NEDD1: variants seen among roughly 807,000 people sequenced by gnomAD.
NEDD1 encodes protein NEDD1.
A neutral mutation model predicts 74.0 loss-of-function variants in NEDD1; 33 were observed. The observed-to-expected ratio is 0.45, with a 90% CI of 0.34 to 0.60. The LOEUF is 0.60. Among genes scored for constraint, NEDD1 ranks in the 20% least tolerant of loss-of-function variants. The pLI is 0.01. For missense variants in NEDD1, 746 were observed against 776.5 expected, an observed-to-expected ratio of 0.96 and a Z score of 0.47; for synonymous variants, 250 against 264.4, an observed-to-expected ratio of 0.95 and a Z score of 0.53.
intron 3 of NEDD1, among the ~76,000 whole-genome samples, chr12:96,911,079 A>G (rs1355710063): frequency 2.0e-5 from 3 of 152,212 alleles, no homozygotes; most frequent in African/African-American, 7.2e-5. Flanking sequence ...TCTGTTAATC[A>G]AACTCATGGT....
chr12:96,935,400 C>T (rs1422585775), intron 7 of NEDD1, among the ~76,000 whole-genome samples, 195 bp downstream of exon 7: 2 of 152,086 alleles, frequency 1.3e-5, no homozygotes, highest in Non-Finnish European at 2.9e-5. Flanking sequence ...ATTTAGGGTA[C>T]TTCTGAAACA....
rs1249537071 is a variant in NEDD1, at chr12:96,942,597, A to G, written c.1267A>G (p.Ser423Gly). The G allele has an allele frequency of 2.6e-6, 4 of 1,521,898 alleles. No individual in the cohort carries two copies. Among genetic ancestry groups the G allele is most frequent in the African/African-American group, 1.4e-5 (1 of 72,866 alleles). The allele number at this position is 1,521,898 out of a possible 1,614,324, so 94.3% of individuals were successfully genotyped here. A position where few individuals can be genotyped will look rare whatever the true frequency, so the allele number is the denominator to read the frequency against. ...TATAGATGCTGTAGTTAACAAGGGA[A>G]GTGATGAGTCCATAGGCAAAGGAGA... ...IRDDAVVNKG[S>G]DESIGKGDGF... Residue 423 changes from serine (S) to glycine (G), a missense_variant, in exon 11 of 16, where the codon AGT becomes GGT. Transcript: ENST00000266742.
rs749524308 is a variant in NEDD1, at chr12:96,936,799, C to T, written c.908C>T (p.Thr303Ile). The change falls in exon 8 of 16, where the codon ACT becomes ATT. Residue 303 changes from threonine to isoleucine, a missense_variant. Coordinates refer to ENST00000266742, the MANE Select transcript of NEDD1 (RefSeq NM_152905.4). ...CAGTGTATAGCATTTCAGTACTCCA[C>T]TGTTCTTACTAAGGTGAGACATTTT... ...SVQCIAFQYS[T>I]VLTKSSLNKG... 1.3e-6 allele frequency: 2 copies of T among 1,598,190 alleles called. No individual in the cohort carries two copies. Among genetic ancestry groups the T allele is most frequent in the Non-Finnish European group, 8.6e-7 (1 of 1,166,106 alleles).
intron 9 of NEDD1, among the ~76,000 whole-genome samples, chr12:96,938,236 T>A (rs1382558368): frequency 6.6e-6 from 1 of 151,988 alleles, no homozygotes; most frequent in Non-Finnish European, 1.5e-5. Context: ...CACTATAAAT[T>A]TCCTGTGAAT....
intron 5 of NEDD1, 129 bp downstream of exon 5, chr12:96,917,866 A>C (rs1237347846): frequency 6.0e-6 from 7 of 1,158,374 alleles, no homozygotes; most frequent in Non-Finnish European, 8.1e-6. Flanking sequence ...AAGATTTGTT[A>C]GGGAAAATAA....
intron 6 of NEDD1, among the ~76,000 whole-genome samples, chr12:96,928,821 C>T (rs1247616078): frequency 6.6e-6 from 1 of 150,892 alleles, no homozygotes; most frequent in East Asian, 1.9e-4. Flanking sequence ...CGAGTAGCTG[C>T]GACTACAGGC....
intron 15 of NEDD1, 141 bp from the exon 16 acceptor site, chr12:96,951,808 A>C: frequency 1.7e-6 from 1 of 576,456 alleles, no homozygotes; most frequent in Non-Finnish European, 3.0e-6. Context: ...TTAACAAACT[A>C]GTAAGTTGTT....
rs1339264907 is a variant in NEDD1, at chr12:96,935,025, G to A, written c.539G>A (p.Ser180Asn). 2 of 1,612,412 alleles carry A rather than the reference G, an allele frequency of 1.2e-6. No individual in the cohort carries two copies. Among genetic ancestry groups the A allele is most frequent in the South Asian group, 2.2e-5 (2 of 91,048 alleles). Reference protein sequence around the residue: ...YSLFKKSLLGSVSDNGIVTLW... With the variant: ...YSLFKKSLLGNVSDNGIVTLW... ...TTGTTTAAGAAATCACTACTGGGCA[G>A]TGTTTCGGATAATGGAATAGTAACT... Residue 180 changes from serine (S) to asparagine (N), a missense_variant, in exon 7 of 16, where the codon AGT becomes AAT. This residue lies in a region of NEDD1 where 706 missense variants were observed against 706.7 expected (regional missense o/e 1.00). Transcript: ENST00000266742.
At position 96,934,860 on chromosome 12, in the gene NEDD1, C is replaced by G. The variant is rs1592909373; in HGVS notation, c.490-116C>G. On this transcript the variant is annotated intron_variant, in intron 6 of 15. Coordinates refer to ENST00000266742, the MANE Select transcript of NEDD1 (RefSeq NM_152905.4). ...GCTGAAACCTGTCACTCTTACACAT[C>G]AGAGAAATCCTAAACCCCATGTGAA... The G allele has an allele frequency of 8.6e-6, 6 of 699,346 alleles. No homozygotes were observed. The East Asian group carries it at 1.6e-4, about 19-fold the overall frequency. 43.3% of individuals were successfully genotyped at this position (699,346 alleles called of 1,614,324 possible). A position where few individuals can be genotyped will look rare whatever the true frequency, so the allele number is the denominator to read the frequency against.
In NEDD1 at chr12:96,952,005, A is replaced by T; in HGVS notation, c.1935A>T (p.Glu645Asp). The change falls in exon 16 of 16, where the codon GAA (glutamate) becomes GAT (aspartate). Residue 645 changes from glutamate to aspartate, a missense_variant. Glu to Asp is a conservative substitution (Grantham distance 45). Around this residue, in one of 3 missense-constraint regions of NEDD1, gnomAD observed 29 missense variants for 50.8 expected, o/e 0.57. Coordinates refer to ENST00000266742, the MANE Select transcript of NEDD1 (RefSeq NM_152905.4). ...RYSVNEGLVA[E>D]IERLREENKR... The stretch of plus-strand genomic sequence containing the variant: ...CAGTGAATGAAGGTTTAGTGGCTGA[A>T]ATTGAAAGACTACGAGAAGAAAACA... 6.2e-7 allele frequency: 1 copy of T among 1,607,306 alleles called. No individual in the cohort carries two copies. Among genetic ancestry groups the T allele is most frequent in the Non-Finnish European group, 8.5e-7 (1 of 1,174,982 alleles).
intron 3 of NEDD1, among the ~76,000 whole-genome samples, chr12:96,910,308 CAG>C (rs1873784195): frequency 1.3e-5 from 2 of 152,164 alleles, no homozygotes; most frequent in Admixed American, 6.5e-5. Flanking sequence ...AAATTAAAGA[CAG>C]AACTTGAAGG....
intron 12 of NEDD1, 46 bp from the exon 13 acceptor site, chr12:96,944,593 G>A (rs564963553): frequency 8.0e-7 from 1 of 1,256,632 alleles, no homozygotes; most frequent in Non-Finnish European, 1.1e-6. Context: ...GGTAATATGA[G>A]TAAAAAAATT....
intron 6 of NEDD1, among the ~76,000 whole-genome samples, chr12:96,930,156 AACACACACACACACACAC>A (rs61405089): frequency 0.055 from 5,133 of 93,490 alleles, 147 homozygotes; most frequent in South Asian, 0.11. Flanking sequence ...TCTGTTGTAA[AACACACACACACACACAC>A]ACACACACAC....
At chr12:96,909,640 G>A in intron 2 of NEDD1, 112 bp from the exon 3 acceptor site, 1 of 829,478 alleles carries the variant, frequency 1.2e-6, no homozygotes, top group Non-Finnish European at 1.9e-6. Context: ...TGCACTGTTT[G>A]GAACAAAAAT....
chr12:96,924,105 C>CA (rs1439659410), intron 6 of NEDD1, among the ~76,000 whole-genome samples: 1 of 151,896 alleles, frequency 6.6e-6, no homozygotes, highest in Admixed American at 6.6e-5. Context: ...CTAATTGTAC[C>CA]AATGTTATTT....
At chr12:96,944,381 T>C (rs1877981597) in intron 12 of NEDD1, among the ~76,000 whole-genome samples, 1 of 152,168 alleles carries the variant, frequency 6.6e-6, no homozygotes, top group South Asian at 2.1e-4. Flanking sequence ...TATCTCTATT[T>C]TAAATGATAC....
chr12:96,929,380 AT>A (rs1220117937), intron 6 of NEDD1, among the ~76,000 whole-genome samples: 19 of 71,004 alleles, frequency 2.7e-4, no homozygotes, highest in African/African-American at 5.3e-4. Flanking sequence ...AATGTCTTGT[AT>A]TTTTTTTTTC....
intron 6 of NEDD1, among the ~76,000 whole-genome samples, chr12:96,930,821 C>A (rs761313226): frequency 6.6e-6 from 1 of 152,162 alleles, no homozygotes; most frequent in Non-Finnish European, 1.5e-5. Flanking sequence ...CATACACATA[C>A]ACACACATAC....
intron 6 of NEDD1, 26 bp from the exon 7 acceptor site, chr12:96,934,950 T>A (rs1876935774): frequency 1.4e-6 from 2 of 1,383,440 alleles, no homozygotes; most frequent in South Asian, 2.3e-5. Flanking sequence ...TATAATTACA[T>A]AAAATTTATT....
Sources: gnomAD v4.1 joint callset for allele counts (sites outside exome capture counted in the v4.1 genomes callset) on GRCh38, gnomAD v4.1.1 for gene constraint, gnomAD v4.1.1 regional missense constraint, MANE v1.5 for transcripts, NCBI Gene and HGNC (gene_info 2026-07-23, HGNC 2026-07-21) for gene names.